SEC63: variants seen among roughly 807,000 people sequenced by gnomAD.
The protein encoded by SEC63 is SEC63 protein translocation regulator, also known as translocation protein SEC63 homolog.
In SEC63, 56 loss-of-function variants were observed where a neutral mutation model predicts 116.2. The observed-to-expected ratio is 0.48, with a 90% confidence interval of 0.39 to 0.60. The LOEUF (loss-of-function observed/expected upper bound fraction) is 0.60, where lower values mean the gene tolerates loss of function less well. Ranked by LOEUF, SEC63 falls within the 20% of genes least tolerant of loss-of-function variation. The probability of loss-of-function intolerance (pLI) is 0.00; values close to 1 mark genes in which losing one functional copy is unlikely to be tolerated. For synonymous variants in SEC63, 273 were observed against 294.6 expected, an observed-to-expected ratio of 0.93 and a Z score of 0.75; for missense variants, 668 against 900.0, an observed-to-expected ratio of 0.74 and a Z score of 3.30.
chr6:107,923,749 A>T (rs370512129), intron 3 of SEC63, among the ~76,000 whole-genome samples: 3 of 147,318 alleles, frequency 2.0e-5, no homozygotes, highest in Admixed American at 1.4e-4. Flanking sequence ...CAAACTCCTG[A>T]CCTCAAGCGA....
Position 107,921,911 on chromosome 6 carries a change from T to TGGGG in SEC63, c.340-6_340-3dup, listed in dbSNP as rs142388422. 2,480 of 1,257,462 alleles carry TGGGG rather than the reference T, an allele frequency of 2.0e-3. 33 individuals carry two copies. The highest frequency in any genetic ancestry group is 5.2e-3 in the Middle Eastern group (26 of 5,046). The allele number at this position is 1,257,462 out of a possible 1,614,324, so 77.9% of individuals were successfully genotyped here. ...TTTAATTTCTGCTACTGTGGCTCCC[T>TGGGG]GGGGAAAAACAAAAAAAAAAAACAA... On this transcript the variant is annotated splice_region_variant and splice_polypyrimidine_tract_variant and intron_variant, in intron 3 of 20. Transcript: ENST00000369002.
At chr6:107,936,402 T>A (rs1013140007) in intron 1 of SEC63, among the ~76,000 whole-genome samples, 1 of 152,224 alleles carries the variant, frequency 6.6e-6, no homozygotes, top group Non-Finnish European at 1.5e-5. Context: ...TCAAAGTAAC[T>A]ATTATGAGTC....
At chr6:107,911,155 G>A (rs1354246073) in intron 7 of SEC63, 191 bp downstream of exon 7, 6 of 602,940 alleles carry the variant, frequency 1.0e-5, no homozygotes, top group Non-Finnish European at 1.8e-5. Context: ...GCAGAGGTGG[G>A]GTCATGGCTC....
chr6:107,918,847 T>C (rs905307114), intron 4 of SEC63, among the ~76,000 whole-genome samples: 12 of 151,684 alleles, frequency 7.9e-5, no homozygotes, highest in African/African-American at 2.7e-4. Context: ...ACATTTGTGA[T>C]TCACAGGAAG....
chr6:107,931,749 CA>C (rs34648738), intron 1 of SEC63: 123,273 of 144,230 alleles, frequency 0.85, 52,462 homozygotes, highest in Middle Eastern at 0.9. Flanking sequence ...TCCGTCTCAA[CA>C]AAAAAAAAAA....
rs1786891415 is a variant in SEC63 at position 107,897,669 on chromosome 6, A to C, written c.1420T>G (p.Leu474Val). 1.9e-6 allele frequency: 3 copies of C among 1,607,018 alleles called. No individual in the cohort carries two copies. Among genetic ancestry groups the C allele is most frequent in the African/African-American group, 1.3e-5 (1 of 74,794 alleles). The change falls in exon 14 of 21, where the codon TTG (leucine) becomes GTG (valine). Residue 474 changes from leucine to valine, a missense_variant. Transcript: ENST00000369002. Reference protein sequence around the residue: ...VGSLVTVLVKLTRQTMAEVFE... With the variant: ...VGSLVTVLVKVTRQTMAEVFE... ...CTTACAGCCATTGTTTGCCTTGTCA[A>C]CTTAACCAACACTGTAACTAAGGAT...
At position 107,958,207 on chromosome 6, in the gene SEC63, A is replaced by G; in HGVS notation, c.-198T>C. 1.3e-6 allele frequency: 1 copy of G among 741,310 alleles called. No individual in the cohort carries two copies. 45.9% of individuals were successfully genotyped at this position (741,310 alleles called of 1,614,324 possible). ...CGCCGCCGTCGCCAGCTCTCGCGAG[A>G]GGAGATAGTTCCCGCCCCGCTCAGT... On this transcript the variant is annotated 5_prime_UTR_variant, in exon 1 of 21. Transcript: ENST00000369002.
chr6:107,956,510 A>G (rs1190051769), intron 1 of SEC63, among the ~76,000 whole-genome samples: 1 of 152,222 alleles, frequency 6.6e-6, no homozygotes, highest in Admixed American at 6.5e-5. Flanking sequence ...AAATGCACTT[A>G]GGAAATAAGG....
At chr6:107,949,220 A>G (rs1367298230) in intron 1 of SEC63, among the ~76,000 whole-genome samples, 1 of 152,274 alleles carries the variant, frequency 6.6e-6, no homozygotes, top group African/African-American at 2.4e-5. Context: ...GAGGTGGGAA[A>G]GGAGCTATAA....
Position 107,910,622 on chromosome 6 carries a change from C to T in SEC63, c.624+724G>A, listed in dbSNP as rs151249889. ...CACACACGTGTCATACATATATGCA[C>T]GTGTCATGCATATATACACATGTCA... On this transcript the variant is annotated intron_variant, in intron 7 of 20. Coordinates refer to ENST00000369002, the MANE Select transcript of SEC63 (RefSeq NM_007214.5). 2.4e-3 allele frequency among the ~76,000 whole-genome samples: 359 copies of T among 152,066 alleles called. 1 individual carries two copies. Among genetic ancestry groups the T allele is most frequent in the African/African-American group, 8.3e-3 (344 of 41,478 alleles).
Position 107,874,229 on chromosome 6 carries a change from C to T in SEC63, c.2035-1317G>A, listed in dbSNP as rs116543528. On this transcript the variant is annotated intron_variant, in intron 19 of 20. Transcript: ENST00000369002. ...TAATGAGTAACCAACGAGACAAATTCGTATTAAATGATATTCTACAAAACA... is the reference window on the plus strand; with the variant it reads ...TAATGAGTAACCAACGAGACAAATTTGTATTAAATGATATTCTACAAAACA... Among the ~76,000 whole-genome samples, 952 of 152,092 alleles carry T rather than the reference C, an allele frequency of 6.3e-3. 15 individuals carry two copies. The highest frequency in any genetic ancestry group is 0.022 in the African/African-American group (912 of 41,480).
chr6:107,889,725 TA>T (rs1562317297), intron 16 of SEC63, among the ~76,000 whole-genome samples: 1 of 152,218 alleles, frequency 6.6e-6, no homozygotes, highest in Non-Finnish European at 1.5e-5. Context: ...TTTAGTGATA[TA>T]AATTTCCCTC....
At chr6:107,942,011 A>G (rs1023068148) in intron 1 of SEC63, among the ~76,000 whole-genome samples, 6 of 152,248 alleles carry the variant, frequency 3.9e-5, no homozygotes, top group African/African-American at 1.2e-4. Context: ...TAAAATTTCT[A>G]AACATTTCCC....
intron 20 of SEC63, 106 bp from the exon 21 acceptor site, chr6:107,871,953 A>T (rs554349705): frequency 9.1e-7 from 1 of 1,102,070 alleles, no homozygotes; most frequent in African/African-American, 1.6e-5. Context: ...ACAAAGAAAT[A>T]GTTTTTTATG....
intron 16 of SEC63, among the ~76,000 whole-genome samples, chr6:107,892,870 G>C (rs2114425509): frequency 6.6e-6 from 1 of 152,216 alleles, no homozygotes; most frequent in South Asian, 2.1e-4. Flanking sequence ...CTCACACGTA[G>C]GTAAGAGCAT....
intron 18 of SEC63, among the ~76,000 whole-genome samples, chr6:107,880,163 G>A (rs1786379404): frequency 6.6e-6 from 1 of 152,164 alleles, no homozygotes; most frequent in Non-Finnish European, 1.5e-5. Flanking sequence ...TGGAATCCTG[G>A]GCAGACTTCT....
intron 1 of SEC63, chr6:107,931,760 AAAATCAAG>A (rs1787816492): frequency 6.6e-6 from 1 of 152,204 alleles, no homozygotes; most frequent in Admixed American, 6.6e-5. Flanking sequence ...AAAAAAAAAA[AAAATCAAG>A]TTTTGAAACA....
At chr6:107,894,149 GGATA>G (rs1419512165) in intron 14 of SEC63, among the ~76,000 whole-genome samples, 3 of 152,150 alleles carry the variant, frequency 2.0e-5, no homozygotes, top group African/African-American at 7.2e-5. Context: ...AACACAGTAA[GGATA>G]CATACAGTAA....
At chr6:107,948,423 T>C (rs1209224195) in intron 1 of SEC63, among the ~76,000 whole-genome samples, 5 of 152,154 alleles carry the variant, frequency 3.3e-5, no homozygotes, top group Non-Finnish European at 7.3e-5. Flanking sequence ...TAGCTCAAAG[T>C]GCTACCGTGA....
Sources: gnomAD v4.1 joint callset for allele counts (sites outside exome capture counted in the v4.1 genomes callset) on GRCh38, gnomAD v4.1.1 for gene constraint, MANE v1.5 for transcripts, NCBI Gene and HGNC (gene_info 2026-07-23, HGNC 2026-07-21) for gene names.